Variants in CHAC2 observed in about 807,000 individuals in gnomAD.
CHAC2 encodes the protein ChaC glutathione specific gamma-glutamylcyclotransferase 2, also known as glutathione-specific gamma-glutamylcyclotransferase 2.
CHAC2 carries 20 observed loss-of-function variants against 16.9 expected under a neutral mutation model. The ratio of observed to expected loss-of-function variants is 1.18; its 90% confidence interval spans 0.83 to 1.72. CHAC2 has a LOEUF of 1.72. Among genes scored for constraint, CHAC2 ranks in the 40% most tolerant of loss-of-function variants. The pLI is 0.00. For synonymous variants in CHAC2, 91 were observed against 77.3 expected, an observed-to-expected ratio of 1.18 and a Z score of -0.93; for missense variants, 269 against 222.2, an observed-to-expected ratio of 1.21 and a Z score of -1.34.
chr2:53,771,893 C>G lies in CHAC2; in HGVS notation c.136-14C>G. On this transcript the variant is annotated splice_polypyrimidine_tract_variant and intron_variant, in intron 1 of 2. Coordinates refer to ENST00000295304, the MANE Select transcript of CHAC2 (RefSeq NM_001008708.4). ...ATTAATTCAGAAAAATTTTTTTTTA[C>G]CTTTTTAAAACAGCCTGGAAGAGTT... The G allele has an allele frequency of 6.5e-7, 1 of 1,540,722 alleles. No individual in the cohort carries two copies. The highest frequency in any genetic ancestry group is 8.8e-7 in the Non-Finnish European group (1 of 1,133,188).
rs1236301703 is a variant in CHAC2 at position 53,774,559 on chromosome 2, T to G, written c.*34T>G. Reference sequence around the variant, plus strand: ...TCAGAGAATTAACTTCAGTGCACAATGACAATATGATTTGGAAATACGTTT... The same window carrying G: ...TCAGAGAATTAACTTCAGTGCACAAGGACAATATGATTTGGAAATACGTTT... On this transcript the variant is annotated 3_prime_UTR_variant, in exon 3 of 3. Transcript: ENST00000295304. 7.0e-7 allele frequency: 1 copy of G among 1,427,282 alleles called. No individual in the cohort carries two copies. The highest frequency in any genetic ancestry group is 1.5e-5 in the South Asian group (1 of 66,642). The allele number at this position is 1,427,282 out of a possible 1,614,324, so 88.4% of individuals were successfully genotyped here. A position where few individuals can be genotyped will look rare whatever the true frequency, so the allele number is the denominator to read the frequency against.
At chr2:53,772,779 G>T (rs896456125) in intron 2 of CHAC2, among the ~76,000 whole-genome samples, 2 of 152,158 alleles carry the variant, frequency 1.3e-5, no homozygotes, top group African/African-American at 4.8e-5. Context: ...TGTCATGGGG[G>T]TTTGTTGTAC....
In CHAC2 at chr2:53,774,536, A is replaced by G. The variant is rs1392526877; in HGVS notation, c.*11A>G. The G allele has an allele frequency of 2.0e-6, 3 of 1,516,178 alleles. No homozygotes were observed. The highest frequency in any genetic ancestry group is 2.6e-6 in the Non-Finnish European group (3 of 1,135,498). The allele number at this position is 1,516,178 out of a possible 1,614,324, so 93.9% of individuals were successfully genotyped here. On this transcript the variant is annotated 3_prime_UTR_variant, in exon 3 of 3. Transcript: ENST00000295304. ...CTCAATTGCATATAATTTAGTCTTC[A>G]GAGAATTAACTTCAGTGCACAATGA...
At chr2:53,769,537 C>T (rs190937072) in intron 1 of CHAC2, among the ~76,000 whole-genome samples, 34 of 152,284 alleles carry the variant, frequency 2.2e-4, no homozygotes, top group Admixed American at 1.2e-3. Context: ...CACAACAGTC[C>T]GTGATTCTTT....
chr2:53,774,980 A>G lies in CHAC2; in HGVS notation c.*455A>G, dbSNP rs551163136. On this transcript the variant is annotated 3_prime_UTR_variant, in exon 3 of 3. Transcript: ENST00000295304. ...AACATGCTTAGAAATACACAATAATATGAACAGTATTTCAGCCTTAATTGT... is the reference window on the plus strand; with the variant it reads ...AACATGCTTAGAAATACACAATAATGTGAACAGTATTTCAGCCTTAATTGT... The G allele has an allele frequency of 6.5e-6, 1 of 153,082 alleles. No homozygotes were observed. Among genetic ancestry groups the G allele is most frequent in the South Asian group, 2.1e-4 (1 of 4,840 alleles). 9.5% of individuals were successfully genotyped at this position (153,082 alleles called of 1,614,324 possible).
At position 53,771,917 on chromosome 2, in the gene CHAC2, T is replaced by C. The variant is rs775211166; in HGVS notation, c.146T>C (p.Val49Ala). 3.2e-6 allele frequency: 5 copies of C among 1,566,646 alleles called. No homozygotes were observed. The African/African-American group carries it at 4.1e-5, about 13-fold the overall frequency. Residue 49 changes from valine (V) to alanine (A), a missense_variant, in exon 2 of 3, where the codon GTT (valine) becomes GCT (alanine). By Grantham distance (64) the Val-to-Ala change is moderately conservative. Transcript: ENST00000295304. ...HRGVPGKPGR[V>A]VTLVEDPAGC... ...ACCTTTTTAAAACAGCCTGGAAGAG[T>C]TGTGACTCTTGTTGAAGATCCTGCG... is the stretch of plus-strand genomic sequence containing the variant.
Position 53,774,150 on chromosome 2 carries a change from AT to A in CHAC2, c.181del (p.Trp61GlyfsTer9). On this transcript the variant is annotated frameshift_variant, in exon 3 of 3. Transcript: ENST00000295304. LOFTEE classifies it high-confidence loss of function. ...TLVEDPAGCV[W>X]GVAYRLPVGK... ...TTTTCATTTTTCAACAGGGATGTGT[AT>A]GGGGTGTTGCTTACAGATTGCCAGT... 3 of 1,604,310 alleles carry A rather than the reference AT, an allele frequency of 1.9e-6. No homozygotes were observed. Among genetic ancestry groups the A allele is most frequent in the Non-Finnish European group, 2.6e-6 (3 of 1,176,214 alleles).
chr2:53,773,388 GTTC>G (rs1399721621), intron 2 of CHAC2, among the ~76,000 whole-genome samples: 2 of 151,046 alleles, frequency 1.3e-5, no homozygotes, highest in Non-Finnish European at 2.9e-5. Flanking sequence ...TGTTTAGTAT[GTTC>G]TTCTGTGCAC....
rs569601103 is a variant in CHAC2, at chr2:53,767,817, A to G, written c.-70A>G. The G allele has an allele frequency of 2.6e-6, 4 of 1,532,700 alleles. No homozygotes were observed. The African/African-American group carries it at 4.1e-5, about 16-fold the overall frequency. The allele number at this position is 1,532,700 out of a possible 1,614,324, so 94.9% of individuals were successfully genotyped here. A position where few individuals can be genotyped will look rare whatever the true frequency, so the allele number is the denominator to read the frequency against. On this transcript the variant is annotated 5_prime_UTR_variant, in exon 1 of 3. Coordinates refer to ENST00000295304, the MANE Select transcript of CHAC2 (RefSeq NM_001008708.4). ...GCGCGGCCGGTTACTCGCTTACCGG[A>G]GGCTTCAGTCCCCGGCGGCGCGGCG...
At chr2:53,772,320 G>A (rs929753657) in intron 2 of CHAC2, among the ~76,000 whole-genome samples, 4 of 152,002 alleles carry the variant, frequency 2.6e-5, no homozygotes, top group East Asian at 3.9e-4. Flanking sequence ...GACTACAGGC[G>A]CCCGCCACCA....
rs778210606 is a variant in CHAC2 at position 53,767,984 on chromosome 2, GGCAGGGCAGCACGGACCA to G, written c.99_116del (p.Trp33_His39delinsCys). The G allele has an allele frequency of 7.3e-4, 1,180 of 1,613,762 alleles. 1 individual carries two copies. The highest frequency in any genetic ancestry group is 9.6e-4 in the Non-Finnish European group (1,127 of 1,179,946). On this transcript the variant is annotated inframe_deletion, in exon 1 of 3. Coordinates refer to ENST00000295304, the MANE Select transcript of CHAC2 (RefSeq NM_001008708.4). ...ATCACCAACTACAGCAGGCGCTTCTGGCAGGGCAGCACGGACCACCGCGGGGTCCCCGGCAAGGTGAGG... is the reference window on the plus strand; with the variant it reads ...ATCACCAACTACAGCAGGCGCTTCTGCCGCGGGGTCCCCGGCAAGGTGAGG...
rs766814794 is a variant in CHAC2, at chr2:53,774,446, A to C, written c.476A>C (p.Glu159Ala). The C allele has an allele frequency of 1.2e-6, 2 of 1,607,100 alleles. No homozygotes were observed. Among genetic ancestry groups the C allele is most frequent in the Non-Finnish European group, 1.7e-6 (2 of 1,178,106 alleles). ...ANSIRNLVPE[E>A]ADEHLFALEK... The stretch of plus-strand genomic sequence containing the variant: ...TCTATTAGGAACCTTGTGCCAGAAG[A>C]AGCAGATGAGCATCTTTTCGCTTTG... Residue 159 changes from glutamate to alanine, a missense_variant, in exon 3 of 3, where the codon GAA (glutamate) becomes GCA (alanine). By Grantham distance (107) the Glu-to-Ala change is moderately radical. Transcript: ENST00000295304.
At chr2:53,770,612 G>A (rs6717324) in intron 1 of CHAC2, among the ~76,000 whole-genome samples, 152,231 of 152,232 alleles carry the variant, frequency 1, 76,115 homozygotes, top group Middle Eastern at 1. Flanking sequence ...CCATTTATAA[G>A]CAAAGACTGT....
chr2:53,768,361 G>T, intron 1 of CHAC2: 1 of 218,378 alleles, frequency 4.6e-6, no homozygotes, highest in South Asian at 1.5e-4. Context: ...CCATTGGCGG[G>T]AAGATGAATG....
Position 53,774,325 on chromosome 2 carries a change from C to G in CHAC2, c.355C>G (p.Leu119Val), listed in dbSNP as rs369539876. 6.2e-7 allele frequency: 1 copy of G among 1,613,612 alleles called. No individual in the cohort carries two copies. Among genetic ancestry groups the G allele is most frequent in the African/African-American group, 1.3e-5 (1 of 74,910 alleles). Reference sequence around the variant, plus strand: ...TGGAACATGTGATAATCCTGATTATCTTGGTCCTGCACCTCTGGAAGACAT... The same window carrying G: ...TGGAACATGTGATAATCCTGATTATGTTGGTCCTGCACCTCTGGAAGACAT... Reference protein sequence around the residue: ...YIGTCDNPDYLGPAPLEDIAE... With the variant: ...YIGTCDNPDYVGPAPLEDIAE... Residue 119 changes from leucine (L) to valine (V), a missense_variant, in exon 3 of 3, where the codon CTT (leucine) becomes GTT (valine). Leu to Val is a conservative substitution (Grantham distance 32, BLOSUM62 1). Transcript: ENST00000295304.
intron 2 of CHAC2, among the ~76,000 whole-genome samples, chr2:53,772,209 C>T (rs890591245): frequency 1.3e-5 from 2 of 152,086 alleles, no homozygotes; most frequent in African/African-American, 4.8e-5. Context: ...GAGTCTAGCT[C>T]TGTCGCCCAG....
chr2:53,769,453 TAC>T (rs1673737244), intron 1 of CHAC2, among the ~76,000 whole-genome samples: 1 of 152,244 alleles, frequency 6.6e-6, no homozygotes, highest in South Asian at 2.1e-4. Flanking sequence ...GACGAAAATG[TAC>T]AGTGTGTTAC....
chr2:53,771,938 C>A lies in CHAC2; in HGVS notation c.167C>A (p.Pro56His). ...AGAGTTGTGACTCTTGTTGAAGATC[C>A]TGCGGTATGGTATAAATATTCTTTT... ...PGRVVTLVED[P>H]AGCVWGVAYR... Residue 56 changes from proline to histidine, a missense_variant, in exon 2 of 3, where the codon CCT (proline) becomes CAT (histidine). Physicochemically the swap from Pro to His is moderately conservative, Grantham distance 77. Coordinates refer to ENST00000295304, the MANE Select transcript of CHAC2 (RefSeq NM_001008708.4). 6.5e-7 allele frequency: 1 copy of A among 1,543,680 alleles called. No individual in the cohort carries two copies.
At chr2:53,770,462 C>CTGT (rs1673819897) in intron 1 of CHAC2, among the ~76,000 whole-genome samples, 1 of 128,828 alleles carries the variant, frequency 7.8e-6, no homozygotes, top group Non-Finnish European at 1.6e-5. Context: ...TATCAGTACA[C>CTGT]ATACAGCCTT....
Sources: gnomAD v4.1 joint callset for allele counts (sites outside exome capture counted in the v4.1 genomes callset) on GRCh38, gnomAD v4.1.1 for gene constraint, MANE v1.5 for transcripts, NCBI Gene and HGNC (gene_info 2026-07-23, HGNC 2026-07-21) for gene names.